CCDC170: variants seen among roughly 807,000 people sequenced by gnomAD.
The protein encoded by CCDC170 is coiled-coil domain containing 170, also known as coiled-coil domain-containing protein 170.
CCDC170 carries 69 observed loss-of-function variants against 72.6 expected under a neutral mutation model. The ratio of observed to expected loss-of-function variants is 0.95; its 90% CI spans 0.78 to 1.16. The LOEUF is 1.16. Ranked by LOEUF, CCDC170 falls within the 50% of genes most tolerant of loss-of-function variation. The pLI, the probability that CCDC170 is intolerant of heterozygous loss-of-function variation, is 0.00. For missense variants in CCDC170, 852 were observed against 832.5 expected (o/e 1.02, Z -0.29); for synonymous variants, 300 against 303.9 (o/e 0.99, Z 0.13).
chr6:151,494,228 G>A (rs1781876898), intron 1 of CCDC170, 43 bp downstream of exon 1: 1 of 1,474,972 alleles, frequency 6.8e-7, no homozygotes, highest in East Asian at 2.8e-5. Flanking sequence ...TGGCCCTGGG[G>A]ATAGACGACC....
intron 5 of CCDC170, 71 bp downstream of exon 5, chr6:151,548,560 C>A: frequency 7.4e-7 from 1 of 1,343,986 alleles, no homozygotes; most frequent in Non-Finnish European, 9.9e-7. Flanking sequence ...AGATGGATGT[C>A]AGATAAGTGC....
chr6:151,509,168 T>TTC (rs140517054), intron 1 of CCDC170, among the ~76,000 whole-genome samples: 76 of 151,314 alleles, frequency 5.0e-4, no homozygotes, highest in African/African-American at 1.6e-3. Context: ...AAAGATCTCT[T>TTC]TCTCTCTCTC....
intron 1 of CCDC170, among the ~76,000 whole-genome samples, chr6:151,526,776 G>C (rs1355199635): frequency 6.6e-6 from 1 of 152,128 alleles, no homozygotes; most frequent in East Asian, 1.9e-4. Context: ...TGTGAAGAGT[G>C]AAAGTTTTTC....
chr6:151,534,808 A>C (rs1262967577), intron 1 of CCDC170, among the ~76,000 whole-genome samples: 1 of 152,222 alleles, frequency 6.6e-6, no homozygotes, highest in African/African-American at 2.4e-5. Context: ...ACTATATCAA[A>C]CAGTAGTTGC....
At chr6:151,520,482 G>T (rs1782300511) in intron 1 of CCDC170, among the ~76,000 whole-genome samples, 1 of 152,178 alleles carries the variant, frequency 6.6e-6, no homozygotes, top group African/African-American at 2.4e-5. Flanking sequence ...AATAACTTTG[G>T]GAGGAATTTG....
rs764981257 is a variant in CCDC170, at chr6:151,536,355, G to A, written c.95G>A (p.Arg32Gln). 3.7e-6 allele frequency: 6 copies of A among 1,613,970 alleles called. No homozygotes were observed. Among genetic ancestry groups the A allele is most frequent in the South Asian group, 1.1e-5 (1 of 91,074 alleles). ...YDHLSEVPVTREQLNHYRNVA... is the reference protein window; with the variant it reads ...YDHLSEVPVTQEQLNHYRNVA... ...CATCTTTCGGAAGTCCCGGTCACGCGGGAGCAGTTAAACCACTATCGGAAT... is the reference window on the plus strand; with the variant it reads ...CATCTTTCGGAAGTCCCGGTCACGCAGGAGCAGTTAAACCACTATCGGAAT... Residue 32 changes from arginine (R) to glutamine (Q), a missense_variant, in exon 2 of 11, where the codon CGG (arginine) becomes CAG (glutamine). By Grantham distance (43) the Arg-to-Gln change is conservative. Coordinates refer to ENST00000239374, the MANE Select transcript of CCDC170 (RefSeq NM_025059.4).
intron 7 of CCDC170, among the ~76,000 whole-genome samples, chr6:151,589,227 C>G (rs1358260385): frequency 6.6e-6 from 1 of 151,720 alleles, no homozygotes; most frequent in Non-Finnish European, 1.5e-5. Flanking sequence ...TGTACTCCAG[C>G]CTGGGTGACA....
intron 6 of CCDC170, 57 bp downstream of exon 6, chr6:151,573,548 G>A: frequency 6.7e-7 from 1 of 1,490,074 alleles, no homozygotes; most frequent in South Asian, 1.2e-5. Context: ...CATTCATTTA[G>A]CATGCTCAGT....
At chr6:151,587,031 G>A (rs997574584) in intron 7 of CCDC170, among the ~76,000 whole-genome samples, 4 of 151,990 alleles carry the variant, frequency 2.6e-5, no homozygotes, top group Non-Finnish European at 5.9e-5. Flanking sequence ...TGATCTGCCC[G>A]CCTCGGCCTC....
chr6:151,510,546 C>T (rs1782132617), intron 1 of CCDC170, among the ~76,000 whole-genome samples: 1 of 151,834 alleles, frequency 6.6e-6, no homozygotes, highest in Admixed American at 6.6e-5. Context: ...GCAAAAAAAA[C>T]CCTTGAGATT....
intron 9 of CCDC170, 105 bp downstream of exon 9, chr6:151,596,682 A>G: frequency 1.4e-6 from 2 of 1,464,912 alleles, no homozygotes; most frequent in Admixed American, 5.0e-5. Context: ...AAGAAAGATG[A>G]AAGCCTCCTC....
chr6:151,614,431 A>G (rs553686477), intron 9 of CCDC170, among the ~76,000 whole-genome samples: 9 of 151,896 alleles, frequency 5.9e-5, no homozygotes, highest in Non-Finnish European at 1.3e-4. Flanking sequence ...TCCATGTTGT[A>G]GTTGTAGTAT....
At chr6:151,547,957 A>T (rs1424299750) in intron 4 of CCDC170, among the ~76,000 whole-genome samples, 2 of 152,192 alleles carry the variant, frequency 1.3e-5, no homozygotes, top group African/African-American at 4.8e-5. Flanking sequence ...AGAAGGTCTG[A>T]GTGGACATGG....
intron 1 of CCDC170, among the ~76,000 whole-genome samples, chr6:151,499,731 C>T (rs1781966056): frequency 6.7e-6 from 1 of 148,752 alleles, no homozygotes; most frequent in East Asian, 1.9e-4. Flanking sequence ...TTTCACTTAG[C>T]ATAATGTCCT....
intron 5 of CCDC170, among the ~76,000 whole-genome samples, chr6:151,558,781 G>A (rs1333464684): frequency 6.6e-6 from 1 of 152,076 alleles, no homozygotes; most frequent in Non-Finnish European, 1.5e-5. Context: ...ATACCCTGCT[G>A]TTTTGTTTAT....
intron 7 of CCDC170, among the ~76,000 whole-genome samples, chr6:151,592,733 G>T (rs1776561241): frequency 6.6e-6 from 1 of 152,202 alleles, no homozygotes; most frequent in Non-Finnish European, 1.5e-5. Flanking sequence ...ATATCAATGG[G>T]TGGATCCCAG....
At chr6:151,528,845 A>G (rs920997880) in intron 1 of CCDC170, among the ~76,000 whole-genome samples, 5 of 151,754 alleles carry the variant, frequency 3.3e-5, no homozygotes, top group South Asian at 2.1e-4. Flanking sequence ...CTCAAAATAT[A>G]TATATATGTA....
intron 3 of CCDC170, among the ~76,000 whole-genome samples, chr6:151,539,610 T>A (rs1039181251): frequency 6.6e-6 from 1 of 152,222 alleles, no homozygotes; most frequent in Admixed American, 6.5e-5. Context: ...TGTGTCTAAA[T>A]TTACTCTCTT....
chr6:151,549,878 A>G (rs1006625197), intron 5 of CCDC170, among the ~76,000 whole-genome samples: 2 of 152,210 alleles, frequency 1.3e-5, no homozygotes, highest in African/African-American at 4.8e-5. Flanking sequence ...TATACTATAC[A>G]TTATTGTCAA....
Sources: allele counts gnomAD v4.1 joint callset (sites outside exome capture counted in the v4.1 genomes callset), GRCh38; gene constraint gnomAD v4.1.1; transcripts MANE v1.5; gene names NCBI Gene and HGNC (gene_info 2026-07-23, HGNC 2026-07-21).